The following CGREF1 variants were observed in gnomAD, a reference collection of about 807,000 sequenced individuals.
The protein encoded by CGREF1 is cell growth regulator with EF hand domain protein 1.
Under a neutral mutation model 17.4 loss-of-function variants are expected in CGREF1, and 16 were observed. That is an observed-to-expected ratio of 0.92 (90% CI 0.62 to 1.40). The LOEUF is 1.40. CGREF1 is among the 40% of genes most tolerant of loss of function. CGREF1 has a pLI of 0.00. For synonymous variants in CGREF1, 142 were observed against 154.6 expected (o/e 0.92, Z 0.61); for missense variants, 296 against 376.4 (o/e 0.79, Z 1.77).
chr2:27,105,347 A>G (rs1671076764), intron 1 of CGREF1, among the ~76,000 whole-genome samples: 1 of 152,224 alleles, frequency 6.6e-6, no homozygotes, highest in African/African-American at 2.4e-5. Context: ...CAAGCAACCC[A>G]TGACCCTAAT....
At position 27,104,309 on chromosome 2, in the gene CGREF1, C is replaced by T. The variant is rs200848148; in HGVS notation, c.58G>A (p.Ala20Thr). ...TACCTTGTGACTCCATCCTTTGGGG[C>T]AGCCTGACCCGTGGGGAGCAGCAGC... ...ILLLLPTGQAAPKDGVTRPDS... is the reference protein window; with the variant it reads ...ILLLLPTGQATPKDGVTRPDS... The change falls in exon 2 of 6, where the codon GCC (alanine) becomes ACC (threonine). Residue 20 changes from alanine (A) to threonine (T), a missense_variant. Around this residue, in one of 3 missense-constraint regions of CGREF1, gnomAD observed 247 missense variants for 267.2 expected, o/e 0.92. Coordinates refer to ENST00000402394, the MANE Select transcript of CGREF1 (RefSeq NM_006569.6). 2.5e-6 allele frequency: 4 copies of T among 1,570,078 alleles called. No homozygotes were observed. The highest frequency in any genetic ancestry group is 1.4e-5 in the African/African-American group (1 of 74,030).
intron 1 of CGREF1, among the ~76,000 whole-genome samples, chr2:27,116,871 T>TTCCC (rs1416671829): frequency 5.9e-5 from 2 of 33,680 alleles, no homozygotes; most frequent in Non-Finnish European, 1.2e-4. Flanking sequence ...GCCAGGCCTA[T>TTCCC]TCTCTCTCTC....
intron 1 of CGREF1, among the ~76,000 whole-genome samples, chr2:27,106,342 C>G (rs2148386989): frequency 6.6e-6 from 1 of 152,312 alleles, no homozygotes; most frequent in East Asian, 1.9e-4. Flanking sequence ...AAACCAAACC[C>G]AGGTGAACTT....
intron 1 of CGREF1, among the ~76,000 whole-genome samples, chr2:27,112,908 A>T (rs1038906381): frequency 1.3e-5 from 2 of 152,244 alleles, no homozygotes; most frequent in East Asian, 3.8e-4. Flanking sequence ...CCGGGTCCCC[A>T]GAAGGGTGGG....
chr2:27,110,279 G>A (rs1167661131), intron 1 of CGREF1, among the ~76,000 whole-genome samples: 1 of 152,106 alleles, frequency 6.6e-6, no homozygotes, highest in East Asian at 1.9e-4. Flanking sequence ...ACATACATCT[G>A]TAGATCCAGC....
chr2:27,103,129 G>A, intron 2 of CGREF1: 1 of 985,066 alleles, frequency 1.0e-6, no homozygotes, highest in Non-Finnish European at 1.2e-6. Context: ...CTCCAAATGT[G>A]CTCCCACTTC....
chr2:27,112,889 G>A (rs1048109006), intron 1 of CGREF1, among the ~76,000 whole-genome samples: 3 of 152,228 alleles, frequency 2.0e-5, no homozygotes, highest in Admixed American at 6.5e-5. Flanking sequence ...GCTAGTGTGT[G>A]GAGGCTTCCC....
rs776877375 is a variant in CGREF1, at chr2:27,101,341, A to G, written c.890T>C (p.Leu297Pro). Residue 297 changes from leucine (L) to proline (P), a missense_variant, in exon 6 of 6, where the codon CTG becomes CCG. Coordinates refer to ENST00000402394, the MANE Select transcript of CGREF1 (RefSeq NM_006569.6). The part of the protein sequence containing the change: ...EEAKELPGET[L>P]ESKNTQNDFE... ...GTCATTTTGGGTGTTCTTAGACTCC[A>G]GTGTTTCCCCTGGAAGTTCCTTGGC... 2 of 1,609,480 alleles carry G rather than the reference A, an allele frequency of 1.2e-6. No individual in the cohort carries two copies. Among genetic ancestry groups the G allele is most frequent in the Non-Finnish European group, 1.7e-6 (2 of 1,177,556 alleles).
chr2:27,099,486 C>T (rs772819437), downstream of CGREF1: 1 of 1,614,126 alleles, frequency 6.2e-7, no homozygotes, highest in East Asian at 2.2e-5. Context: ...GCAAATTGCT[C>T]CACTCGGATG....
intron 2 of CGREF1, chr2:27,102,900 G>T: frequency 1.0e-6 from 1 of 983,452 alleles, no homozygotes; most frequent in Non-Finnish European, 1.2e-6. Context: ...CAAGAAAACA[G>T]CCCAGTGAGT....
intron 1 of CGREF1, among the ~76,000 whole-genome samples, chr2:27,113,599 C>T (rs2148397705): frequency 6.6e-6 from 1 of 152,218 alleles, no homozygotes; most frequent in Non-Finnish European, 1.5e-5. Context: ...GGGTATGGGC[C>T]CTGACCTCAG....
intron 1 of CGREF1, among the ~76,000 whole-genome samples, chr2:27,116,476 A>G (rs796889451): frequency 6.6e-6 from 1 of 151,912 alleles, no homozygotes; most frequent in Admixed American, 6.6e-5. Context: ...GCAATGAGCC[A>G]AGATTGTGCC....
intron 1 of CGREF1, among the ~76,000 whole-genome samples, chr2:27,117,739 C>T (rs1165858426): frequency 7.2e-6 from 1 of 138,796 alleles, no homozygotes; most frequent in East Asian, 2.1e-4. Flanking sequence ...GGCGGAGTCT[C>T]GCTCTGTCGC....
At chr2:27,108,611 A>G (rs1408558405) in intron 1 of CGREF1, among the ~76,000 whole-genome samples, 3 of 150,816 alleles carry the variant, frequency 2.0e-5, no homozygotes, top group Non-Finnish European at 4.4e-5. Context: ...AACACTCAAG[A>G]AAAAAAAAAT....
Position 27,101,079 on chromosome 2 carries a change from G to C in CGREF1, c.*195C>G. ...CGGGTAGAGAGGTGGCCGGGGGGAT[G>C]AATTCATTCAGTTCTTTATTGGTAA... On this transcript the variant is annotated 3_prime_UTR_variant, in exon 6 of 6. Coordinates refer to ENST00000402394, the MANE Select transcript of CGREF1 (RefSeq NM_006569.6). The C allele has an allele frequency of 7.4e-7, 1 of 1,342,638 alleles. No individual in the cohort carries two copies. The allele number at this position is 1,342,638 out of a possible 1,614,324, so 83.2% of individuals were successfully genotyped here.
chr2:27,102,008 G>GACTC, intron 5 of CGREF1, 89 bp downstream of exon 5: 1 of 1,558,004 alleles, frequency 6.4e-7, no homozygotes, highest in Non-Finnish European at 8.7e-7. Context: ...TTTTACAGAG[G>GACTC]ACTCACCAAA....
chr2:27,102,398 CT>C lies in CGREF1; in HGVS notation c.178del (p.Arg60GlyfsTer9), dbSNP rs1670926483. ...CAGATGCTCCAGTTGCACTTCTGTC[CT>C]TCCTAGTCCCTTTAGGTAGCTCTGC... ...LLQSYLKGLG[R>X]TEVQLEHLSR... On this transcript the variant is annotated frameshift_variant, in exon 4 of 6. Coordinates refer to ENST00000402394, the MANE Select transcript of CGREF1 (RefSeq NM_006569.6). LOFTEE classifies it high-confidence loss of function. 1 of 1,614,188 alleles carries C rather than the reference CT, an allele frequency of 6.2e-7. No individual in the cohort carries two copies. Among genetic ancestry groups the C allele is most frequent in the East Asian group, 2.2e-5 (1 of 44,888 alleles).
In CGREF1 at chr2:27,116,000, G is replaced by T. The variant is rs1028052899; in HGVS notation, c.-12+2846C>A. Among the ~76,000 whole-genome samples the T allele has an allele frequency of 7.2e-5, 11 of 151,970 alleles. 1 individual carries two copies. Among genetic ancestry groups the T allele is most frequent in the Non-Finnish European group, 1.0e-4 (7 of 67,996 alleles). Reference sequence around the variant, plus strand: ...GGCCAAGGCAAAAGGATTGCTTGAAGCCAGGAGTTCGAGACCAGCCTGGGC... The same window carrying T: ...GGCCAAGGCAAAAGGATTGCTTGAATCCAGGAGTTCGAGACCAGCCTGGGC... On this transcript the variant is annotated intron_variant, in intron 1 of 5. Coordinates refer to ENST00000402394, the MANE Select transcript of CGREF1 (RefSeq NM_006569.6).
downstream of CGREF1, chr2:27,099,878 T>C (rs571250340): frequency 3.2e-6 from 5 of 1,547,004 alleles, no homozygotes; most frequent in African/African-American, 4.1e-5. Context: ...GGGAGGACTC[T>C]GCCTGTGTCC....
Sources: allele counts gnomAD v4.1 joint callset (sites outside exome capture counted in the v4.1 genomes callset), GRCh38; gene constraint gnomAD v4.1.1; regional missense constraint gnomAD v4.1.1; transcripts MANE v1.5; gene names NCBI Gene and HGNC (gene_info 2026-07-23, HGNC 2026-07-21).